PKP2: variants seen among roughly 807,000 people sequenced by gnomAD.
PKP2 encodes plakophilin-2.
In PKP2, 73 loss-of-function variants were observed where a neutral mutation model predicts 83.4. The ratio of observed to expected loss-of-function variants is 0.88; its 90% CI spans 0.72 to 1.06. PKP2 has a LOEUF of 1.06. Ranked by LOEUF, PKP2 falls within the 50% of genes least tolerant of loss-of-function variation. The probability of loss-of-function intolerance (pLI) is 0.00; values close to 1 mark genes in which losing one functional copy is unlikely to be tolerated. For missense variants in PKP2, 966 were observed against 1,065.4 expected, an observed-to-expected ratio of 0.91 and a Z score of 1.30; for synonymous variants, 409 against 430.4, an observed-to-expected ratio of 0.95 and a Z score of 0.62.
At chr12:32,847,028 G>A (rs1254731644) in intron 5 of PKP2, among the ~76,000 whole-genome samples, 1 of 151,838 alleles carries the variant, frequency 6.6e-6, no homozygotes, top group Non-Finnish European at 1.5e-5. Context: ...CACCTCTTAC[G>A]GAGTTGTCAG....
chr12:32,811,923 A>C (rs1426575213), intron 9 of PKP2, among the ~76,000 whole-genome samples: 1 of 152,156 alleles, frequency 6.6e-6, no homozygotes, highest in East Asian at 1.9e-4. Flanking sequence ...CAAAGAGAGT[A>C]AGCAACCAAA....
At chr12:32,868,367 C>G (rs1411781299) in intron 4 of PKP2, among the ~76,000 whole-genome samples, 1 of 152,002 alleles carries the variant, frequency 6.6e-6, no homozygotes, top group Non-Finnish European at 1.5e-5. Context: ...GCATGTGCCA[C>G]CACACATGGC....
intron 7 of PKP2, among the ~76,000 whole-genome samples, chr12:32,823,002 A>G (rs1202303000): frequency 6.6e-6 from 1 of 152,228 alleles, no homozygotes; most frequent in African/African-American, 2.4e-5. Context: ...AAGATGCACA[A>G]TGTAGGAAAA....
intron 4 of PKP2, among the ~76,000 whole-genome samples, chr12:32,860,724 A>T (rs1228778407): frequency 6.6e-6 from 1 of 151,980 alleles, no homozygotes; most frequent in Non-Finnish European, 1.5e-5. Context: ...TTCAAGTAAA[A>T]TTTTTTTTAA....
intron 9 of PKP2, among the ~76,000 whole-genome samples, chr12:32,813,056 A>C (rs1041759963): frequency 1.3e-5 from 2 of 152,218 alleles, no homozygotes; most frequent in African/African-American, 4.8e-5. Flanking sequence ...AGAAATAAAA[A>C]ATTGTAGCCT....
intron 1 of PKP2, among the ~76,000 whole-genome samples, chr12:32,880,272 C>T (rs187389635): frequency 5.9e-5 from 9 of 151,678 alleles, no homozygotes; most frequent in African/African-American, 9.7e-5. Flanking sequence ...TGGTGGTGGG[C>T]GCCTGTAATC....
intron 11 of PKP2, among the ~76,000 whole-genome samples, chr12:32,794,935 T>C (rs1009318156): frequency 1.3e-5 from 2 of 152,198 alleles, no homozygotes; most frequent in African/African-American, 2.4e-5. Context: ...AACATGTACA[T>C]CCCTGTACAG....
chr12:32,802,021 C>T (rs977282038), intron 10 of PKP2, among the ~76,000 whole-genome samples: 1 of 152,022 alleles, frequency 6.6e-6, no homozygotes, highest in Non-Finnish European at 1.5e-5. Flanking sequence ...AATTGTGGTG[C>T]TTAAGAGAGC....
At chr12:32,874,591 A>C (rs1956918178) in intron 3 of PKP2, among the ~76,000 whole-genome samples, 1 of 152,184 alleles carries the variant, frequency 6.6e-6, no homozygotes, top group Admixed American at 6.5e-5. Context: ...ATATGATTAA[A>C]TATTATAATA....
At chr12:32,803,228 C>T (rs1350657515) in intron 9 of PKP2, among the ~76,000 whole-genome samples, 1 of 151,928 alleles carries the variant, frequency 6.6e-6, no homozygotes, top group Non-Finnish European at 1.5e-5. Context: ...AAAATATTAG[C>T]CAGGCGTGGT....
At chr12:32,867,314 T>C (rs770838965) in intron 4 of PKP2, among the ~76,000 whole-genome samples, 2 of 152,172 alleles carry the variant, frequency 1.3e-5, no homozygotes, top group Non-Finnish European at 2.9e-5. Flanking sequence ...AGCGACACAG[T>C]GAGACCCTGT....
At chr12:32,867,944 G>T (rs960484803) in intron 4 of PKP2, among the ~76,000 whole-genome samples, 13 of 152,238 alleles carry the variant, frequency 8.5e-5, no homozygotes, top group Middle Eastern at 3.4e-3. Flanking sequence ...CATCTCTGAG[G>T]ATCTGTCCTA....
chr12:32,826,875 G>A (rs1404078335), intron 6 of PKP2, among the ~76,000 whole-genome samples: 1 of 152,150 alleles, frequency 6.6e-6, no homozygotes. Context: ...CAAATTAGTG[G>A]TAAAGTCAGG....
chr12:32,807,311 C>T (rs10772003), intron 9 of PKP2, among the ~76,000 whole-genome samples: 29,715 of 151,886 alleles, frequency 0.2, 3,577 homozygotes, highest in East Asian at 0.56. Context: ...TTGATCTTTG[C>T]TGGTGTAAAG....
chr12:32,876,714 G>A (rs577087536), intron 3 of PKP2, among the ~76,000 whole-genome samples: 1 of 152,276 alleles, frequency 6.6e-6, no homozygotes, highest in African/African-American at 2.4e-5. Flanking sequence ...ATTGCTCGTA[G>A]ATATGGGGTT....
chr12:32,847,252 G>T (rs1956655072), intron 5 of PKP2, among the ~76,000 whole-genome samples: 1 of 152,114 alleles, frequency 6.6e-6, no homozygotes, highest in African/African-American at 2.4e-5. Context: ...TCTATTAGTA[G>T]AGCCAAAGGG....
intron 10 of PKP2, 131 bp downstream of exon 10, chr12:32,802,272 G>T: frequency 1.1e-6 from 1 of 905,064 alleles, no homozygotes; most frequent in Non-Finnish European, 1.8e-6. Flanking sequence ...CAAAAGGCAG[G>T]CCGGTTTATC....
chr12:32,862,703 C>A (rs954408974), intron 4 of PKP2, among the ~76,000 whole-genome samples: 1 of 152,100 alleles, frequency 6.6e-6, no homozygotes, highest in Non-Finnish European at 1.5e-5. Context: ...GTGGCTCACA[C>A]CTCTAATCCC....
At chr12:32,817,978 G>T (rs1239089709) in intron 9 of PKP2, among the ~76,000 whole-genome samples, 1 of 152,126 alleles carries the variant, frequency 6.6e-6, no homozygotes, top group African/African-American at 2.4e-5. Flanking sequence ...AGGGATCTAG[G>T]CTGTGTGCTC....
Sources: gnomAD v4.1 joint callset for allele counts (sites outside exome capture counted in the v4.1 genomes callset) on GRCh38, gnomAD v4.1.1 for gene constraint, MANE v1.5 for transcripts, NCBI Gene and HGNC (gene_info 2026-07-23, HGNC 2026-07-21) for gene names.